Variants in MED13L observed in about 807,000 individuals in gnomAD.
MED13L encodes the protein mediator of RNA polymerase II transcription subunit 13-like.
A neutral mutation model predicts 220.9 loss-of-function variants in MED13L; 7 were observed. The ratio of observed to expected loss-of-function variants is 0.03; its 90% confidence interval spans 0.02 to 0.06. The LOEUF is 0.06. MED13L is among the 10% of genes least tolerant of loss of function. The pLI is 1.00. For missense variants in MED13L, 1,965 were observed against 2,760.5 expected (o/e 0.71, Z 6.46); for synonymous variants, 1,011 against 1,015.2 (o/e 1.00, Z 0.08).
chr12:115,987,350 C>A, intron 17 of MED13L, 62 bp from the exon 18 acceptor site: 1 of 1,456,620 alleles, frequency 6.9e-7, no homozygotes, highest in South Asian at 1.2e-5. Context: ...TCTTCCTCAC[C>A]ATCACCTCGA....
chr12:116,141,160 CATATTAA>C (rs1320448859), intron 2 of MED13L, among the ~76,000 whole-genome samples: 4 of 152,130 alleles, frequency 2.6e-5, no homozygotes, highest in Non-Finnish European at 5.9e-5. Flanking sequence ...ATTCAGTTAT[CATATTAA>C]ATATCCATAC....
chr12:116,098,215 CA>C (rs1872771050), intron 3 of MED13L, among the ~76,000 whole-genome samples: 1 of 151,880 alleles, frequency 6.6e-6, no homozygotes, highest in Non-Finnish European at 1.5e-5. Context: ...CATTGCACTC[CA>C]GCCTGGGCAA....
At chr12:116,040,648 C>T (rs769804588) in intron 4 of MED13L, among the ~76,000 whole-genome samples, 11 of 152,066 alleles carry the variant, frequency 7.2e-5, no homozygotes, top group Non-Finnish European at 1.5e-4. Flanking sequence ...TTTTTAAACT[C>T]GTATCAGAAC....
chr12:116,029,122 T>A (rs1270405286), intron 4 of MED13L, among the ~76,000 whole-genome samples: 2 of 151,562 alleles, frequency 1.3e-5, no homozygotes, highest in Non-Finnish European at 2.9e-5. Flanking sequence ...CATCAGTAAA[T>A]AATCTACATA....
intron 2 of MED13L, among the ~76,000 whole-genome samples, chr12:116,120,465 TCTCTCTCTCTCTCACACACACA>T (rs1194017677): frequency 7.3e-6 from 1 of 137,612 alleles, no homozygotes; most frequent in African/African-American, 2.8e-5. Flanking sequence ...TCTCTCTCTC[TCTCTCTCTCTCTCACACACACA>T]CACACACACA....
chr12:116,123,467 G>A (rs1414297196), intron 2 of MED13L, among the ~76,000 whole-genome samples: 1 of 152,108 alleles, frequency 6.6e-6, no homozygotes, highest in African/African-American at 2.4e-5. Context: ...TAATAAAGAT[G>A]AGTCAACTAC....
At position 115,978,122 on chromosome 12, in the gene MED13L, T is replaced by C. The variant is rs114913729; in HGVS notation, c.5365-2384A>G. On this transcript the variant is annotated intron_variant, in intron 23 of 30. Transcript: ENST00000281928. ...ATCATATATTGTGTGATTCCATCTATAAGAAATGTCCAGAACAGGCAGCTC... is the reference window on the plus strand; with the variant it reads ...ATCATATATTGTGTGATTCCATCTACAAGAAATGTCCAGAACAGGCAGCTC... 7.5e-3 allele frequency among the ~76,000 whole-genome samples: 1,139 copies of C among 152,188 alleles called. 21 individuals carry two copies. Among genetic ancestry groups the C allele is most frequent in the African/African-American group, 0.026 (1,069 of 41,516 alleles).
chr12:115,987,843 C>T (rs950137845), intron 17 of MED13L, among the ~76,000 whole-genome samples: 2 of 152,192 alleles, frequency 1.3e-5, no homozygotes, highest in African/African-American at 2.4e-5. Context: ...GACCGAAGTC[C>T]GCTGCAGGCA....
rs1395698594 is a variant in MED13L at position 116,241,324 on chromosome 12, C to CA, written c.73-3620dup. ...GTCTCTTTAAAAAAAAAACAAAAAA[C>CA]AAAAAAACAAAAAAAAAACACACAC... On this transcript the variant is annotated intron_variant, in intron 1 of 30. Coordinates refer to ENST00000281928, the MANE Select transcript of MED13L (RefSeq NM_015335.5). Among the ~76,000 whole-genome samples, 925 of 137,260 alleles carry CA rather than the reference C, an allele frequency of 6.7e-3. 4 individuals are homozygous for CA. Among genetic ancestry groups the CA allele is most frequent in the African/African-American group, 0.022 (790 of 36,718 alleles). 90.0% of individuals were successfully genotyped at this position (137,260 alleles called of 152,430 possible).
chr12:116,193,736 GA>G (rs1305268150), intron 2 of MED13L, among the ~76,000 whole-genome samples: 1 of 151,968 alleles, frequency 6.6e-6, no homozygotes, highest in Non-Finnish European at 1.5e-5. Context: ...ACAAAGAAAT[GA>G]AAACCACATA....
At chr12:115,976,196 C>CA (rs1876926194) in intron 23 of MED13L, among the ~76,000 whole-genome samples, 2 of 151,900 alleles carry the variant, frequency 1.3e-5, no homozygotes, top group Admixed American at 6.6e-5. Context: ...ATATGTTTAC[C>CA]AAAAAACAGG....
At chr12:116,244,903 G>A (rs1324773123) in intron 1 of MED13L, among the ~76,000 whole-genome samples, 1 of 152,136 alleles carries the variant, frequency 6.6e-6, no homozygotes, top group African/African-American at 2.4e-5. Flanking sequence ...AGTGAGCTGT[G>A]ATCACACCAC....
intron 3 of MED13L, among the ~76,000 whole-genome samples, chr12:116,099,347 T>C (rs945868149): frequency 6.6e-6 from 1 of 152,184 alleles, no homozygotes; most frequent in Non-Finnish European, 1.5e-5. Context: ...CCAAAAGCCA[T>C]TGTTACATTG....
intron 2 of MED13L, among the ~76,000 whole-genome samples, chr12:116,124,140 G>GAGAC (rs1875352465): frequency 6.7e-6 from 1 of 148,866 alleles, no homozygotes; most frequent in African/African-American, 2.5e-5. Flanking sequence ...GAGAGAGAGA[G>GAGAC]AGAGAGAGAG....
intron 2 of MED13L, among the ~76,000 whole-genome samples, chr12:116,163,476 T>C (rs1362609281): frequency 6.6e-6 from 1 of 151,782 alleles, no homozygotes; most frequent in African/African-American, 2.4e-5. Flanking sequence ...GTGATTCTCC[T>C]GCCTCAGCCT....
chr12:116,121,404 A>G (rs533680926), intron 2 of MED13L, among the ~76,000 whole-genome samples: 46 of 152,320 alleles, frequency 3.0e-4, no homozygotes, highest in Admixed American at 9.8e-4. Context: ...ATATGGCAAA[A>G]TATCAAAGCA....
At chr12:116,120,198 T>C (rs1874919747) in intron 2 of MED13L, among the ~76,000 whole-genome samples, 1 of 151,598 alleles carries the variant, frequency 6.6e-6, no homozygotes, top group African/African-American at 2.4e-5. Context: ...ATGTTCTGAC[T>C]CTGACACCCA....
At position 116,164,826 on chromosome 12, in the gene MED13L, C is replaced by G. The variant is rs1565907958; in HGVS notation, c.311-53314G>C. 2.6e-5 allele frequency among the ~76,000 whole-genome samples: 4 copies of G among 152,212 alleles called. No individual in the cohort carries two copies. The South Asian group carries it at 8.3e-4, about 32-fold the overall frequency. On this transcript the variant is annotated intron_variant, in intron 2 of 30. Coordinates refer to ENST00000281928, the MANE Select transcript of MED13L (RefSeq NM_015335.5). ...TTTTAGCCTGAAATGTAGGCTATAG[C>G]AAATATACAATTCAAGAACCACTCT...
At chr12:115,974,791 T>C (rs1323997070) in intron 25 of MED13L, among the ~76,000 whole-genome samples, 2 of 152,298 alleles carry the variant, frequency 1.3e-5, no homozygotes, top group Non-Finnish European at 1.5e-5. Flanking sequence ...ACCAAACAAA[T>C]TGAAGGCTGT....
Sources: allele counts gnomAD v4.1 joint callset (sites outside exome capture counted in the v4.1 genomes callset), GRCh38; gene constraint gnomAD v4.1.1; transcripts MANE v1.5; gene names NCBI Gene and HGNC (gene_info 2026-07-23, HGNC 2026-07-21).